SPTBN1: variants seen among roughly 807,000 people sequenced by gnomAD.
SPTBN1 encodes spectrin beta, non-erythrocytic 1.
Under a neutral mutation model 266.4 loss-of-function variants are expected in SPTBN1, and 32 were observed. That is an observed-to-expected ratio of 0.12 (90% CI 0.09 to 0.16). The LOEUF is 0.16. Ranked by LOEUF, SPTBN1 falls within the 10% of genes least tolerant of loss-of-function variation. The pLI, the probability that SPTBN1 is intolerant of heterozygous loss-of-function variation, is 1.00. For synonymous variants in SPTBN1, 1,336 were observed against 1,162.2 expected (o/e 1.15, Z -3.04); for missense variants, 2,296 against 3,067.1 (o/e 0.75, Z 5.94).
intron 1 of SPTBN1, among the ~76,000 whole-genome samples, chr2:54,518,467 AAAG>A (rs1338180925): frequency 6.6e-6 from 1 of 151,274 alleles, no homozygotes; most frequent in African/African-American, 2.4e-5. Context: ...AAAAAAAAAA[AAAG>A]AAACAGTGGT....
chr2:54,579,704 T>G (rs140708326), intron 2 of SPTBN1, among the ~76,000 whole-genome samples: 6 of 152,320 alleles, frequency 3.9e-5, no homozygotes, highest in African/African-American at 1.4e-4. Flanking sequence ...ACCTTTGGAT[T>G]TAGGTAAAAT....
chr2:54,629,679 C>G lies in SPTBN1; in HGVS notation c.2545C>G (p.Leu849Val). The G allele has an allele frequency of 6.2e-7, 1 of 1,613,860 alleles. No individual in the cohort carries two copies. Among genetic ancestry groups the G allele is most frequent in the Non-Finnish European group, 8.5e-7 (1 of 1,180,000 alleles). Residue 849 changes from leucine (L) to valine (V), a missense_variant, in exon 14 of 36, where the codon CTG becomes GTG. Transcript: ENST00000356805. ...RLRKQALQDT[L>V]ALYKMFSEAD... ...GCGGAAGCAGGCACTCCAGGACACT[C>G]TGGCCCTGTACAAGATGTTCAGCGA...
At chr2:54,498,047 C>T (rs183934188) in intron 1 of SPTBN1, among the ~76,000 whole-genome samples, 4 of 152,278 alleles carry the variant, frequency 2.6e-5, no homozygotes, top group Non-Finnish European at 4.4e-5. Context: ...TTTCTGTATT[C>T]TTTTGCTTAA....
At chr2:54,617,142 C>T (rs1280570089) in intron 5 of SPTBN1, among the ~76,000 whole-genome samples, 1 of 152,218 alleles carries the variant, frequency 6.6e-6, no homozygotes, top group African/African-American at 2.4e-5. Flanking sequence ...ACTACTTTTA[C>T]AAACTTCATC....
At chr2:54,492,923 G>T (rs964017886) in intron 1 of SPTBN1, among the ~76,000 whole-genome samples, 2 of 151,234 alleles carry the variant, frequency 1.3e-5, no homozygotes, top group Non-Finnish European at 2.9e-5. Context: ...AGTTTAATAT[G>T]TCTGCAGAAT....
intron 1 of SPTBN1, among the ~76,000 whole-genome samples, chr2:54,500,630 C>T (rs1042340450): frequency 3.9e-5 from 6 of 152,280 alleles, no homozygotes; most frequent in Middle Eastern, 3.4e-3. Context: ...ACTGTAACCT[C>T]TGCCTCCCAG....
intron 3 of SPTBN1, among the ~76,000 whole-genome samples, chr2:54,601,537 A>G (rs1399228096): frequency 6.6e-6 from 1 of 152,208 alleles, no homozygotes; most frequent in Non-Finnish European, 1.5e-5. Flanking sequence ...TGAGGTGGTT[A>G]GAGCTTCCAG....
rs1386103753 is a variant in SPTBN1, at chr2:54,626,706, C to T, written c.1644+472C>T. ...TTGTGAGTGCCTGAGTTGCCTAATC[C>T]TCTTTGAGCCCTCTTTCTTGGTCTT... On this transcript the variant is annotated intron_variant, in intron 12 of 35. Coordinates refer to ENST00000356805, the MANE Select transcript of SPTBN1 (RefSeq NM_003128.3). This position sits in a 1 kb window ranked among gnomAD's most constrained non-coding sequence, Gnocchi z 4.7. 6.6e-6 allele frequency among the ~76,000 whole-genome samples: 1 copy of T among 152,120 alleles called. No homozygotes were observed.
intron 2 of SPTBN1, among the ~76,000 whole-genome samples, chr2:54,544,292 G>A (rs1488577483): frequency 6.6e-6 from 1 of 152,120 alleles, no homozygotes; most frequent in African/African-American, 2.4e-5. Context: ...CTTGGAAATT[G>A]CCTTCCTTCA....
chr2:54,564,003 C>G (rs113346978), intron 2 of SPTBN1, among the ~76,000 whole-genome samples: 1 of 152,090 alleles, frequency 6.6e-6, no homozygotes, highest in East Asian at 1.9e-4. Flanking sequence ...ATGCTCTTCC[C>G]GTAGTACCAC....
chr2:54,481,388 CTGAGTGTG>C (rs1345742890), intron 1 of SPTBN1, among the ~76,000 whole-genome samples: 17 of 116,430 alleles, frequency 1.5e-4, no homozygotes, highest in African/African-American at 6.1e-4. Flanking sequence ...CTGCAGAAAC[CTGAGTGTG>C]TGTGTGTGTG....
chr2:54,666,183 G>T, intron 34 of SPTBN1, 95 bp downstream of exon 34: 1 of 1,296,942 alleles, frequency 7.7e-7, no homozygotes, highest in African/African-American at 1.5e-5. Context: ...TGATTAGTTG[G>T]TTCTGTCTTC....
At chr2:54,465,931 T>C (rs1273076435) in intron 1 of SPTBN1, among the ~76,000 whole-genome samples, 1 of 152,144 alleles carries the variant, frequency 6.6e-6, no homozygotes, top group Admixed American at 6.5e-5. Context: ...TTCCATTAAT[T>C]TTGTATTTTT....
chr2:54,591,922 CTT>C (rs1320574402), intron 2 of SPTBN1, among the ~76,000 whole-genome samples: 1 of 152,060 alleles, frequency 6.6e-6, no homozygotes, highest in Non-Finnish European at 1.5e-5. Flanking sequence ...CTGTAATTCA[CTT>C]TGGGAGGCTA....
At chr2:54,504,401 G>A (rs1372859275) in intron 1 of SPTBN1, among the ~76,000 whole-genome samples, 1 of 152,178 alleles carries the variant, frequency 6.6e-6, no homozygotes, top group Non-Finnish European at 1.5e-5. Context: ...ACCAGCCTAA[G>A]CAGTACAGCT....
At chr2:54,529,025 A>G (rs766478864) in intron 2 of SPTBN1, among the ~76,000 whole-genome samples, 3 of 152,244 alleles carry the variant, frequency 2.0e-5, no homozygotes, top group Non-Finnish European at 2.9e-5. Context: ...CTAAAAAACT[A>G]TATGCTGATA....
intron 1 of SPTBN1, among the ~76,000 whole-genome samples, chr2:54,514,652 G>C (rs992239739): frequency 1.6e-4 from 24 of 152,264 alleles, no homozygotes; most frequent in Admixed American, 1.4e-3. Context: ...ATAATGAATG[G>C]GACCCATGAT....
chr2:54,514,536 C>T (rs749932005), intron 1 of SPTBN1, among the ~76,000 whole-genome samples: 9 of 152,112 alleles, frequency 5.9e-5, no homozygotes, highest in Non-Finnish European at 8.8e-5. Flanking sequence ...GGCATTTTAG[C>T]GTTTGAATGT....
intron 1 of SPTBN1, among the ~76,000 whole-genome samples, chr2:54,481,413 TG>T (rs1558763922): frequency 3.0e-4 from 40 of 132,722 alleles, no homozygotes; most frequent in African/African-American, 1.2e-3. Flanking sequence ...TGTGTGTGTG[TG>T]TGTGTGTGTG....
Sources: allele counts gnomAD v4.1 joint callset (sites outside exome capture counted in the v4.1 genomes callset), GRCh38; gene constraint gnomAD v4.1.1; non-coding constraint Gnocchi (gnomAD v3.1); transcripts MANE v1.5; gene names NCBI Gene and HGNC (gene_info 2026-07-23, HGNC 2026-07-21).